LAMA3: variants seen among roughly 807,000 people sequenced by gnomAD.
The protein encoded by LAMA3 is laminin subunit alpha 3.
A neutral mutation model predicts 402.0 loss-of-function variants in LAMA3; 281 were observed. The ratio of observed to expected loss-of-function variants is 0.70; its 90% CI spans 0.63 to 0.77. The LOEUF is 0.77. LAMA3 is among the 30% of genes least tolerant of loss of function. The pLI is 0.00. For missense variants in LAMA3, 3,840 were observed against 4,215.5 expected (o/e 0.91, Z 2.47); for synonymous variants, 1,431 against 1,558.4 (o/e 0.92, Z 1.93).
chr18:23,947,128 T>A (rs2082736380), intron 70 of LAMA3, among the ~76,000 whole-genome samples: 2 of 152,142 alleles, frequency 1.3e-5, no homozygotes, highest in Non-Finnish European at 1.5e-5. Context: ...TCTAGGTTTG[T>A]CAAGTTCAAG....
chr18:23,830,058 T>A (rs1341917990), intron 23 of LAMA3, among the ~76,000 whole-genome samples: 1 of 152,212 alleles, frequency 6.6e-6, no homozygotes, highest in Non-Finnish European at 1.5e-5. Context: ...ACCAAAATAA[T>A]CTGCTTCCAG....
At chr18:23,765,928 A>AT (rs1465631124) in intron 8 of LAMA3, among the ~76,000 whole-genome samples, 1 of 152,150 alleles carries the variant, frequency 6.6e-6, no homozygotes, top group Non-Finnish European at 1.5e-5. Context: ...GAGAAAGAAA[A>AT]ATATATATAT....
chr18:23,761,871 G>A (rs527940729), intron 7 of LAMA3, among the ~76,000 whole-genome samples: 1 of 152,274 alleles, frequency 6.6e-6, no homozygotes, highest in Admixed American at 6.5e-5. Flanking sequence ...GTCTTTCACA[G>A]TAATAAATAA....
In LAMA3 at chr18:23,689,626, G is replaced by A; in HGVS notation, c.-58G>A. On this transcript the variant is annotated 5_prime_UTR_variant, in exon 1 of 75. Transcript: ENST00000313654. Reference sequence around the variant, plus strand: ...GGTCCGGGAGGCGCAGGCGGAGAGCGGCGGTGCCCCCGAGCCCCTCTGCGG... The same window carrying A: ...GGTCCGGGAGGCGCAGGCGGAGAGCAGCGGTGCCCCCGAGCCCCTCTGCGG... 8.1e-7 allele frequency: 1 copy of A among 1,233,998 alleles called. No individual in the cohort carries two copies. The highest frequency in any genetic ancestry group is 1.0e-6 in the Non-Finnish European group (1 of 989,388). 76.4% of individuals were successfully genotyped at this position (1,233,998 alleles called of 1,614,324 possible). A position where few individuals can be genotyped will look rare whatever the true frequency, so the allele number is the denominator to read the frequency against.
At chr18:23,782,226 GT>G (rs1364222424) in intron 11 of LAMA3, among the ~76,000 whole-genome samples, 1 of 152,158 alleles carries the variant, frequency 6.6e-6, no homozygotes, top group African/African-American at 2.4e-5. Flanking sequence ...TAGGGGACCT[GT>G]TGCAAATTTA....
intron 65 of LAMA3, 57 bp downstream of exon 65, chr18:23,931,258 A>C: frequency 6.4e-7 from 1 of 1,552,512 alleles, no homozygotes; most frequent in Non-Finnish European, 8.9e-7. Flanking sequence ...TCTTTCGTTT[A>C]ATGGAATTTT....
rs181576893 is a variant in LAMA3, at chr18:23,833,637, A to G, written c.2824-191A>G. On this transcript the variant is annotated intron_variant, in intron 23 of 74. Coordinates refer to ENST00000313654, the MANE Select transcript of LAMA3 (RefSeq NM_198129.4). ...AAATAATTGTTTGTTATTTATTTCC[A>G]TTTAAAATTTAACAGGGCACCATGT... Among the ~76,000 whole-genome samples, 27 of 152,324 alleles carry G rather than the reference A, an allele frequency of 1.8e-4. No individual in the cohort carries two copies. In the East Asian group the frequency reaches 4.4e-3, roughly 25 times the overall value.
At position 23,931,434 on chromosome 18, in the gene LAMA3, G is replaced by A. The variant is rs1299639395; in HGVS notation, c.8576+233G>A. On this transcript the variant is annotated intron_variant, in intron 65 of 74. Coordinates refer to ENST00000313654, the MANE Select transcript of LAMA3 (RefSeq NM_198129.4). ...CAACTAAGAAGGCTGAGGCAAGAGG[G>A]TTGCTTGAGGCCAAGAGTTCGAGAC... is the stretch of plus-strand genomic sequence containing the variant. 55 of 499,006 alleles carry A rather than the reference G, an allele frequency of 1.1e-4. No homozygotes were observed. The East Asian group carries it at 1.9e-3, about 17-fold the overall frequency. 30.9% of individuals were successfully genotyped at this position (499,006 alleles called of 1,614,324 possible). A position where few individuals can be genotyped will look rare whatever the true frequency, so the allele number is the denominator to read the frequency against.
At chr18:23,904,142 G>A in intron 50 of LAMA3, 55 bp downstream of exon 50, 1 of 1,602,896 alleles carries the variant, frequency 6.2e-7, no homozygotes, top group Non-Finnish European at 8.5e-7. Context: ...TCAGCAGCTT[G>A]TCCTGAGACA....
At chr18:23,778,635 G>T (rs548632340) in intron 11 of LAMA3, among the ~76,000 whole-genome samples, 5 of 152,286 alleles carry the variant, frequency 3.3e-5, no homozygotes, top group African/African-American at 1.2e-4. Flanking sequence ...GAAGGGCACA[G>T]CACACGCACA....
intron 12 of LAMA3, among the ~76,000 whole-genome samples, chr18:23,808,437 C>T (rs1322152003): frequency 1.3e-5 from 2 of 152,016 alleles, no homozygotes. Context: ...GATCCAGAAC[C>T]CACAGATATG....
intron 1 of LAMA3, among the ~76,000 whole-genome samples, chr18:23,705,450 T>TACACACACACAC (rs35025245): frequency 0.018 from 2,689 of 145,446 alleles, 53 homozygotes; most frequent in African/African-American, 0.042. Flanking sequence ...TATCATGACA[T>TACACACACACAC]ACACACACAC....
chr18:23,717,620 T>C (rs1239612850), intron 2 of LAMA3, among the ~76,000 whole-genome samples: 1 of 135,882 alleles, frequency 7.4e-6, no homozygotes, highest in Non-Finnish European at 1.6e-5. Flanking sequence ...TGGCGTGATA[T>C]CAGCTCACTG....
chr18:23,892,495 C>T (rs756875358), intron 42 of LAMA3, among the ~76,000 whole-genome samples: 2 of 152,004 alleles, frequency 1.3e-5, no homozygotes, highest in Non-Finnish European at 2.9e-5. Flanking sequence ...AGCCTAGTCC[C>T]CCATAAACTA....
In LAMA3 at chr18:23,921,047, A is replaced by T; in HGVS notation, c.8036A>T (p.Asp2679Val). The T allele has an allele frequency of 3.7e-6, 6 of 1,614,064 alleles. No individual in the cohort carries two copies. The highest frequency in any genetic ancestry group is 5.1e-6 in the Non-Finnish European group (6 of 1,180,002). ...GVGDAINNGR[D>V]HSIQIKIGKL... ...GGAGACGCCATAAACAACGGCAGAG[A>T]CCATTCGGTACACCTTTTGAGTCTG... The change falls in exon 61 of 75, where the codon GAC becomes GTC. Residue 2679 changes from aspartate to valine, a missense_variant. Coordinates refer to ENST00000313654, the MANE Select transcript of LAMA3 (RefSeq NM_198129.4).
chr18:23,881,730 C>T (rs746778156), intron 39 of LAMA3, among the ~76,000 whole-genome samples: 4 of 152,128 alleles, frequency 2.6e-5, no homozygotes, highest in Non-Finnish European at 4.4e-5. Flanking sequence ...TGTTAAGCAC[C>T]GCGTCACTGA....
chr18:23,925,047 A>G (rs2081965245), intron 62 of LAMA3, among the ~76,000 whole-genome samples: 1 of 152,084 alleles, frequency 6.6e-6, no homozygotes, highest in South Asian at 2.1e-4. Flanking sequence ...AGTCACTGGG[A>G]GGTGGGGTGG....
chr18:23,839,195 G>C lies in LAMA3; in HGVS notation c.3191+317G>C, dbSNP rs1052940675. On this transcript the variant is annotated intron_variant, in intron 26 of 74. Coordinates refer to ENST00000313654, the MANE Select transcript of LAMA3 (RefSeq NM_198129.4). This position sits in a 1 kb window ranked among gnomAD's most constrained non-coding sequence, Gnocchi z 4.5. ...TTCCAATCTTTTAATCTTTCTGTCT[G>C]AGACTCTTCATTTAGAAAACCATGA... Among the ~76,000 whole-genome samples, 2 of 152,200 alleles carry C rather than the reference G, an allele frequency of 1.3e-5. No individual in the cohort carries two copies. Among genetic ancestry groups the C allele is most frequent in the Admixed American group, 1.3e-4 (2 of 15,274 alleles).
At chr18:23,947,477 A>G (rs2082747806) in intron 70 of LAMA3, among the ~76,000 whole-genome samples, 1 of 152,166 alleles carries the variant, frequency 6.6e-6, no homozygotes, top group African/African-American at 2.4e-5. Context: ...AGAAATGGGC[A>G]TAATGAAAGC....
Sources: gnomAD v4.1 joint callset for allele counts (sites outside exome capture counted in the v4.1 genomes callset) on GRCh38, gnomAD v4.1.1 for gene constraint, Gnocchi (gnomAD v3.1) non-coding constraint, MANE v1.5 for transcripts, NCBI Gene and HGNC (gene_info 2026-07-23, HGNC 2026-07-21) for gene names.